The following NDST3 variants were observed in gnomAD, a reference collection of about 807,000 sequenced individuals.
NDST3 encodes N-deacetylase and N-sulfotransferase 3, also known as bifunctional heparan sulfate N-deacetylase/N-sulfotransferase 3.
Under a neutral mutation model 96.1 loss-of-function variants are expected in NDST3, and 58 were observed. The observed-to-expected ratio is 0.60, with a 90% CI of 0.49 to 0.75. The LOEUF (loss-of-function observed/expected upper bound fraction) is 0.75. Ranked by LOEUF, NDST3 falls within the 30% of genes least tolerant of loss-of-function variation. The probability of loss-of-function intolerance (pLI) is 0.00; values close to 1 mark genes in which losing one functional copy is unlikely to be tolerated. For missense variants in NDST3, 788 were observed against 1,034.2 expected, an observed-to-expected ratio of 0.76 and a Z score of 3.27; for synonymous variants, 333 against 359.7, an observed-to-expected ratio of 0.93 and a Z score of 0.84.
chr4:118,193,363 C>T (rs1056839451), intron 6 of NDST3: 15 of 503,038 alleles, frequency 3.0e-5, no homozygotes, highest in East Asian at 1.5e-4. Flanking sequence ...AGTAGGGAGA[C>T]GGGGGGCAGG....
intron 5 of NDST3, among the ~76,000 whole-genome samples, chr4:118,142,072 AGTT>A (rs1156724858): frequency 6.6e-6 from 1 of 152,164 alleles, no homozygotes; most frequent in Non-Finnish European, 1.5e-5. Context: ...CATTTATAAT[AGTT>A]GTTAGGAAAT....
intron 4 of NDST3, among the ~76,000 whole-genome samples, chr4:118,124,668 G>A (rs1362780031): frequency 6.6e-6 from 1 of 151,876 alleles, no homozygotes; most frequent in African/African-American, 2.4e-5. Flanking sequence ...CATGGGTTTG[G>A]CTATTTTGAG....
chr4:118,118,067 C>T (rs1210442944), intron 4 of NDST3, among the ~76,000 whole-genome samples: 2 of 152,132 alleles, frequency 1.3e-5, no homozygotes, highest in Non-Finnish European at 2.9e-5. Flanking sequence ...TATCACTTCT[C>T]ATGTGTAGTT....
intron 9 of NDST3, 84 bp downstream of exon 9, chr4:118,233,219 G>C: frequency 8.4e-7 from 1 of 1,183,740 alleles, no homozygotes; most frequent in Non-Finnish European, 1.1e-6. Flanking sequence ...AAACATCTAA[G>C]TTTGTAGTCA....
chr4:118,251,984 G>A (rs1741775603), intron 12 of NDST3, among the ~76,000 whole-genome samples: 1 of 152,040 alleles, frequency 6.6e-6, no homozygotes, highest in Non-Finnish European at 1.5e-5. Flanking sequence ...TAAGTGTGCA[G>A]CCATTGCACA....
At chr4:118,204,082 A>G (rs186557261) in intron 6 of NDST3, among the ~76,000 whole-genome samples, 70 of 152,244 alleles carry the variant, frequency 4.6e-4, no homozygotes, top group Admixed American at 4.4e-3. Flanking sequence ...CCTAGTTTCG[A>G]TCAGAAATTT....
At position 118,208,829 on chromosome 4, in the gene NDST3, A is replaced by C. The variant is rs1738606326; in HGVS notation, c.1540-15662A>C. Among the ~76,000 whole-genome samples the C allele has an allele frequency of 1.4e-5, 2 of 144,810 alleles. 1 individual carries two copies. Among genetic ancestry groups the C allele is most frequent in the South Asian group, 4.6e-4 (2 of 4,340 alleles). ...AATTTTTTAAAACTGTAAATGTTTGAATATTTAGAAACTTAACAACAATTA... is the reference window on the plus strand; with the variant it reads ...AATTTTTTAAAACTGTAAATGTTTGCATATTTAGAAACTTAACAACAATTA... On this transcript the variant is annotated intron_variant, in intron 6 of 13. Coordinates refer to ENST00000296499, the MANE Select transcript of NDST3 (RefSeq NM_004784.3).
At chr4:118,063,934 C>A (rs1726099988) in intron 2 of NDST3, among the ~76,000 whole-genome samples, 1 of 152,140 alleles carries the variant, frequency 6.6e-6, no homozygotes, top group African/African-American at 2.4e-5. Context: ...TTTCTTCCTA[C>A]CAAGCTCCAC....
chr4:118,055,803 G>A (rs554883189), intron 2 of NDST3, among the ~76,000 whole-genome samples: 10 of 151,874 alleles, frequency 6.6e-5, no homozygotes, highest in South Asian at 4.2e-4. Flanking sequence ...TCAAATCAGA[G>A]AGCAAAAAAT....
At chr4:118,150,401 T>C (rs1734306891) in intron 6 of NDST3, among the ~76,000 whole-genome samples, 1 of 151,984 alleles carries the variant, frequency 6.6e-6, no homozygotes, top group South Asian at 2.1e-4. Context: ...CTAATTAAAC[T>C]CAAGAGCTTC....
At chr4:118,103,546 C>T (rs1480842377) in intron 2 of NDST3, among the ~76,000 whole-genome samples, 1 of 152,108 alleles carries the variant, frequency 6.6e-6, no homozygotes, top group Non-Finnish European at 1.5e-5. Context: ...ATATATCTTA[C>T]ACCTAGGTAT....
At chr4:118,194,165 C>G (rs748093084) in intron 6 of NDST3, 13 of 819,174 alleles carry the variant, frequency 1.6e-5, no homozygotes, top group Non-Finnish European at 2.3e-5. Context: ...CTGAATGGCC[C>G]TCTCCAGACC....
chr4:118,204,697 A>G (rs1046213023), intron 6 of NDST3, among the ~76,000 whole-genome samples: 4 of 144,980 alleles, frequency 2.8e-5, no homozygotes, highest in East Asian at 3.9e-4. Flanking sequence ...TGATTTAACA[A>G]TATTACATGT....
chr4:118,052,407 T>C lies in NDST3; in HGVS notation c.-155-1349T>C, dbSNP rs574076162. Among the ~76,000 whole-genome samples, 81 of 152,006 alleles carry C rather than the reference T, an allele frequency of 5.3e-4. 1 individual carries two copies. Among genetic ancestry groups the C allele is most frequent in the Admixed American group, 2.0e-3 (31 of 15,232 alleles). On this transcript the variant is annotated intron_variant, in intron 1 of 13. Transcript: ENST00000296499. ...GAGGGAGGAAGAAGGAAGGAGGACA[T>C]ACACGGTGGAAAAACTACCTATTGG...
intron 1 of NDST3, among the ~76,000 whole-genome samples, chr4:118,044,626 AT>A (rs1724652067): frequency 6.6e-6 from 1 of 152,218 alleles, no homozygotes; most frequent in Non-Finnish European, 1.5e-5. Flanking sequence ...CTGTTATGTT[AT>A]CCCCCTAATC....
intron 2 of NDST3, among the ~76,000 whole-genome samples, chr4:118,074,339 T>C (rs76001071): frequency 6.6e-6 from 1 of 152,268 alleles, no homozygotes; most frequent in East Asian, 1.9e-4. Context: ...GTTAGTTTTC[T>C]GCCTCAATGA....
At chr4:118,090,867 G>A (rs1728806410) in intron 2 of NDST3, among the ~76,000 whole-genome samples, 1 of 151,800 alleles carries the variant, frequency 6.6e-6, no homozygotes, top group Non-Finnish European at 1.5e-5. Flanking sequence ...TTATGAAAGG[G>A]TCTGATTGGA....
At chr4:118,074,788 TG>T (rs1727370798) in intron 2 of NDST3, among the ~76,000 whole-genome samples, 1 of 152,208 alleles carries the variant, frequency 6.6e-6, no homozygotes. Context: ...ATTGTGTTTT[TG>T]GTGGGATATT....
intron 6 of NDST3, among the ~76,000 whole-genome samples, chr4:118,156,457 T>G (rs184317584): frequency 6.6e-6 from 1 of 152,326 alleles, no homozygotes; most frequent in Admixed American, 6.5e-5. Context: ...CCTTATTCTA[T>G]TTTACATTCA....
Sources: gnomAD v4.1 joint callset for allele counts (sites outside exome capture counted in the v4.1 genomes callset) on GRCh38, gnomAD v4.1.1 for gene constraint, MANE v1.5 for transcripts, NCBI Gene and HGNC (gene_info 2026-07-23, HGNC 2026-07-21) for gene names.